SPAG5: variants seen among roughly 807,000 people sequenced by gnomAD.
SPAG5 encodes sperm-associated antigen 5.
SPAG5 carries 99 observed loss-of-function variants against 145.4 expected under a neutral mutation model. The observed-to-expected ratio is 0.68, with a 90% CI of 0.58 to 0.80. SPAG5 has a LOEUF of 0.80. Ranked by LOEUF, SPAG5 falls within the 30% of genes least tolerant of loss-of-function variation. The pLI is 0.00. For missense variants in SPAG5, 1,192 were observed against 1,416.0 expected, an observed-to-expected ratio of 0.84 and a Z score of 2.54; for synonymous variants, 477 against 525.4, an observed-to-expected ratio of 0.91 and a Z score of 1.26.
chr17:28,584,703 A>G lies in SPAG5; in HGVS notation c.2110T>C (p.Cys704Arg), dbSNP rs767597745. Reference sequence around the variant, plus strand: ...TCCAGTTGTTCTGTTTGGCCTTTGCACTCCTCTAACTGGGCAGAGACTTGT... The same window carrying G: ...TCCAGTTGTTCTGTTTGGCCTTTGCGCTCCTCTAACTGGGCAGAGACTTGT... ...LEQVSAQLEE[C>R]KGQTEQLELE... The change falls in exon 11 of 24, where the codon TGC becomes CGC. Residue 704 changes from cysteine to arginine, a missense_variant. Around this residue, in one of 5 missense-constraint regions of SPAG5, gnomAD observed 709 missense variants for 840.7 expected, o/e 0.84. Transcript: ENST00000321765. 1.1e-5 allele frequency: 18 copies of G among 1,613,848 alleles called. No homozygotes were observed. Among genetic ancestry groups the G allele is most frequent in the Non-Finnish European group, 1.4e-5 (17 of 1,180,002 alleles).
Position 28,592,682 on chromosome 17 carries a change from C to T in SPAG5, c.562G>A (p.Val188Ile), listed in dbSNP as rs1321180565. 9.3e-6 allele frequency: 15 copies of T among 1,614,078 alleles called. No homozygotes were observed. The highest frequency in any genetic ancestry group is 1.3e-5 in the African/African-American group (1 of 74,938). ...MGDRFSEVAA[V>I]SEKPIFQESP... is the part of the protein sequence containing the mutation. ...TCCTGAAAGATAGGTTTCTCAGATA[C>T]AGCAGCAACTTCTGAAAACCTGTCT... The change falls in exon 3 of 24, where the codon GTA becomes ATA. Residue 188 changes from valine to isoleucine, a missense_variant. Physicochemically the swap from Val to Ile is conservative, Grantham distance 29 (BLOSUM62 3). Coordinates refer to ENST00000321765, the MANE Select transcript of SPAG5 (RefSeq NM_006461.4).
rs147945685 is a variant in SPAG5 at position 28,592,318 on chromosome 17, G to A, written c.926C>T (p.Thr309Ile). 1.4e-4 allele frequency: 220 copies of A among 1,614,150 alleles called. No homozygotes were observed. The East Asian group carries it at 4.5e-3, about 33-fold the overall frequency. ...SVEDILSTCL[T>I]PNLVEMESQE... ...GGATTCCATTTCTACTAGATTTGGT[G>A]TCAGGCATGTGGACAGAATATCTTC... The change falls in exon 3 of 24, where the codon ACA (threonine) becomes ATA (isoleucine). Residue 309 changes from threonine to isoleucine, a missense_variant. Around this residue, in one of 5 missense-constraint regions of SPAG5, gnomAD observed 21 missense variants for 48.6 expected, o/e 0.43. Coordinates refer to ENST00000321765, the MANE Select transcript of SPAG5 (RefSeq NM_006461.4).
At chr17:28,585,434 G>A (rs1215602168) in intron 8 of SPAG5, 23 bp from the exon 9 acceptor site, 1 of 1,613,892 alleles carries the variant, frequency 6.2e-7, no homozygotes, top group Non-Finnish European at 8.5e-7. Context: ...GATTGCCTAG[G>A]CGGGAACCCC....
In SPAG5 at chr17:28,592,276, G is replaced by C. The variant is rs150848747; in HGVS notation, c.968C>G (p.Pro323Arg). The C allele has an allele frequency of 4.3e-6, 7 of 1,614,026 alleles. No homozygotes were observed. The African/African-American group carries it at 9.3e-5, about 22-fold the overall frequency. Residue 323 changes from proline (P) to arginine (R), a missense_variant, in exon 3 of 24, where the codon CCA becomes CGA. Pro to Arg is a moderately radical substitution (Grantham distance 103). Transcript: ENST00000321765. The part of the protein sequence containing the change: ...VEMESQEAPG[P>R]AVEDVGRILG... ...AATCCTACCAACATCTTCTACTGCT[G>C]GGCCTGGAGCTTCTTGGGATTCCAT...
chr17:28,577,930 A>G, intron 23 of SPAG5, 80 bp downstream of exon 23: 1 of 1,314,536 alleles, frequency 7.6e-7, no homozygotes, highest in South Asian at 1.2e-5. Context: ...GCTGGGAACC[A>G]GATCTGTGCT....
At chr17:28,584,774 T>C (rs1332860573) in intron 10 of SPAG5, 29 bp from the exon 11 acceptor site, 2 of 1,498,812 alleles carry the variant, frequency 1.3e-6, no homozygotes, top group Non-Finnish European at 1.9e-6. Context: ...TTTCCTCCTA[T>C]AGTTCCTCCT....
At chr17:28,583,693 T>A in intron 14 of SPAG5, 44 bp from the exon 15 acceptor site, 2 of 1,565,580 alleles carry the variant, frequency 1.3e-6, no homozygotes, top group South Asian at 2.4e-5. Context: ...CAAATTACCT[T>A]CTCTGAACGC....
In SPAG5 at chr17:28,596,419, G is replaced by A. The variant is rs751946671; in HGVS notation, c.177+2091C>T. On this transcript the variant is annotated intron_variant, in intron 2 of 23. Transcript: ENST00000321765. ...GCCATAGCTCACACCTGTAATCCCAGCACTTTGGGAGGCTGAGGTGGGCGG... is the reference window on the plus strand; with the variant it reads ...GCCATAGCTCACACCTGTAATCCCAACACTTTGGGAGGCTGAGGTGGGCGG... 2.6e-5 allele frequency among the ~76,000 whole-genome samples: 4 copies of A among 152,272 alleles called. 1 individual carries two copies. The highest frequency in any genetic ancestry group is 6.8e-3 in the Middle Eastern group (2 of 294).
chr17:28,586,413 A>G lies in SPAG5; in HGVS notation c.1512+12T>C, dbSNP rs372522680. ...GAGACCCAGTGGTGGTGTAAGGTCA[A>G]TCATCACTTACCATGACATTTCTGG... On this transcript the variant is annotated intron_variant, in intron 5 of 23. Transcript: ENST00000321765. 17 of 1,604,388 alleles carry G rather than the reference A, an allele frequency of 1.1e-5. No individual in the cohort carries two copies. Among genetic ancestry groups the G allele is most frequent in the Non-Finnish European group, 1.4e-5 (16 of 1,171,200 alleles).
chr17:28,587,124 C>A (rs569493659), intron 4 of SPAG5, among the ~76,000 whole-genome samples: 96 of 151,838 alleles, frequency 6.3e-4, no homozygotes, highest in African/African-American at 2.2e-3. Context: ...TAAAAAATTT[C>A]TTTGTTTAGC....
Position 28,584,681 on chromosome 17 carries a change from A to C in SPAG5, c.2132T>G (p.Leu711Arg). 1 of 1,614,142 alleles carries C rather than the reference A, an allele frequency of 6.2e-7. No individual in the cohort carries two copies. Among genetic ancestry groups the C allele is most frequent in the Non-Finnish European group, 8.5e-7 (1 of 1,180,002 alleles). Residue 711 changes from leucine (L) to arginine (R), a missense_variant, in exon 11 of 24, where the codon CTG becomes CGG. Leu to Arg is a moderately radical substitution (Grantham distance 102). Transcript: ENST00000321765. ...TGCTAGACGACTGTTTTCCAACTCCAGTTGTTCTGTTTGGCCTTTGCACTC... is the reference window on the plus strand; with the variant it reads ...TGCTAGACGACTGTTTTCCAACTCCCGTTGTTCTGTTTGGCCTTTGCACTC... ...LEECKGQTEQ[L>R]ELENSRLATD... is the part of the protein sequence containing the mutation.
In SPAG5 at chr17:28,598,864, C is replaced by T. The variant is rs374819792; in HGVS notation, c.51+32G>A. 3.7e-6 allele frequency: 6 copies of T among 1,612,658 alleles called. No individual in the cohort carries two copies. In the African/African-American group the frequency reaches 8.0e-5, roughly 22 times the overall value. On this transcript the variant is annotated intron_variant, in intron 1 of 23. Coordinates refer to ENST00000321765, the MANE Select transcript of SPAG5 (RefSeq NM_006461.4). The stretch of plus-strand genomic sequence containing the variant: ...GGTGCCCCCGCGACAGCAGCCCGGC[C>T]CAGTTCTCTCCGCCAGAGATCTCCC...
At chr17:28,595,214 C>T (rs1274960535) in intron 2 of SPAG5, among the ~76,000 whole-genome samples, 3 of 145,420 alleles carry the variant, frequency 2.1e-5, no homozygotes, top group East Asian at 2.0e-4. Context: ...GCCAAGATCG[C>T]GGCACTGCAC....
At chr17:28,597,425 A>C (rs1450325581) in intron 2 of SPAG5, among the ~76,000 whole-genome samples, 1 of 152,192 alleles carries the variant, frequency 6.6e-6, no homozygotes, top group African/African-American at 2.4e-5. Flanking sequence ...CTCAAAAACA[A>C]AAAAATTCAA....
At chr17:28,596,420 C>A (rs1433770015) in intron 2 of SPAG5, among the ~76,000 whole-genome samples, 1 of 152,120 alleles carries the variant, frequency 6.6e-6, no homozygotes, top group African/African-American at 2.4e-5. Context: ...GTAATCCCAG[C>A]ACTTTGGGAG....
At chr17:28,587,372 C>A (rs1377539474) in intron 4 of SPAG5, among the ~76,000 whole-genome samples, 2 of 151,748 alleles carry the variant, frequency 1.3e-5, no homozygotes, top group African/African-American at 2.4e-5. Flanking sequence ...CATGGAGAAA[C>A]CCCATGTCTA....
Position 28,577,644 on chromosome 17 carries a change from G to T in SPAG5, c.*55C>A. On this transcript the variant is annotated 3_prime_UTR_variant, in exon 24 of 24. Transcript: ENST00000321765. Reference sequence around the variant, plus strand: ...CTATGCCAGTTGGTCTTGGTATTGGGGTAAGGGGGTATTGCAGGTAAAAAG... The same window carrying T: ...CTATGCCAGTTGGTCTTGGTATTGGTGTAAGGGGGTATTGCAGGTAAAAAG... 8.2e-7 allele frequency: 1 copy of T among 1,226,476 alleles called. No homozygotes were observed. Among genetic ancestry groups the T allele is most frequent in the Non-Finnish European group, 1.2e-6 (1 of 826,580 alleles). The allele number at this position is 1,226,476 out of a possible 1,614,324, so 76.0% of individuals were successfully genotyped here.
chr17:28,595,316 T>C (rs1025575199), intron 2 of SPAG5, among the ~76,000 whole-genome samples: 1 of 150,374 alleles, frequency 6.7e-6, no homozygotes, highest in Non-Finnish European at 1.5e-5. Context: ...TGTGCATATA[T>C]ACAAAATAGA....
chr17:28,587,738 AAAG>A (rs1348597609), intron 4 of SPAG5, among the ~76,000 whole-genome samples: 23 of 151,700 alleles, frequency 1.5e-4, no homozygotes, highest in African/African-American at 5.1e-4. Flanking sequence ...AAAAAAAAAA[AAAG>A]GATGAACCAA....
Sources: allele counts gnomAD v4.1 joint callset (sites outside exome capture counted in the v4.1 genomes callset), GRCh38; gene constraint gnomAD v4.1.1; regional missense constraint gnomAD v4.1.1; transcripts MANE v1.5; gene names NCBI Gene and HGNC (gene_info 2026-07-23, HGNC 2026-07-21).